The following MRPL4 variants were observed in gnomAD, a reference collection of about 807,000 sequenced individuals.
MRPL4 encodes the protein large ribosomal subunit protein uL4m.
Under a neutral mutation model 34.1 loss-of-function variants are expected in MRPL4, and 34 were observed. The ratio of observed to expected loss-of-function variants is 1.00; its 90% CI spans 0.76 to 1.33. MRPL4 has a LOEUF of 1.33. Ranked by LOEUF, MRPL4 falls within the 40% of genes most tolerant of loss-of-function variation. MRPL4 has a pLI of 0.00. For synonymous variants in MRPL4, 196 were observed against 188.3 expected (o/e 1.04, Z -0.33); for missense variants, 402 against 434.6 (o/e 0.92, Z 0.67).
intron 3 of MRPL4, chr19:10,252,916 G>A: frequency 3.0e-6 from 2 of 673,252 alleles, no homozygotes; most frequent in East Asian, 2.9e-5. Context: ...GGGTTAGGGA[G>A]ACAGAATTCT....
Position 10,252,218 on chromosome 19 carries a change from G to T in MRPL4, c.-36G>T. On this transcript the variant is annotated 5_prime_UTR_variant, in exon 1 of 9. Coordinates refer to ENST00000253099, the MANE Select transcript of MRPL4 (RefSeq NM_015956.3). ...AGCGGCGCCTCGCGAGGCTCCAGTG[G>T]CCTTGACCTCCCGCGGCGTGGGAGG... 6.4e-7 allele frequency: 1 copy of T among 1,570,914 alleles called. No individual in the cohort carries two copies. The highest frequency in any genetic ancestry group is 1.1e-5 in the South Asian group (1 of 88,464).
intron 8 of MRPL4, 88 bp from the exon 9 acceptor site, chr19:10,259,529 G>A: frequency 6.5e-7 from 1 of 1,530,806 alleles, no homozygotes; most frequent in Non-Finnish European, 8.8e-7. Flanking sequence ...ATCTCTGTAA[G>A]CACAAAGGGA....
intron 8 of MRPL4, chr19:10,259,248 C>G (rs775177274): frequency 9.0e-6 from 12 of 1,333,942 alleles, no homozygotes; most frequent in Non-Finnish European, 3.8e-6. Flanking sequence ...CCACCTCTCT[C>G]AGGATGAAAG....
At chr19:10,254,796 C>G in intron 4 of MRPL4, 156 bp downstream of exon 4, 1 of 646,478 alleles carries the variant, frequency 1.5e-6, no homozygotes, top group Admixed American at 3.3e-5. Context: ...ATTTTTGGTT[C>G]TCTTTTTTTT....
chr19:10,252,273 C>T lies in MRPL4; in HGVS notation c.20C>T (p.Ala7Val), dbSNP rs775132887. 2 of 1,608,460 alleles carry T rather than the reference C, an allele frequency of 1.2e-6. No individual in the cohort carries two copies. Among genetic ancestry groups the T allele is most frequent in the South Asian group, 1.1e-5 (1 of 90,922 alleles). ...GCGGCGATGCTGCAGTTCGTCCGGG[C>T]CGGGGCGCGGGCCTGGCTTCGGCCT... MLQFVR[A>V]GARAWLRPTG... The change falls in exon 1 of 9, where the codon GCC becomes GTC. Residue 7 changes from alanine (A) to valine (V), a missense_variant. By Grantham distance (64) the Ala-to-Val change is moderately conservative. Coordinates refer to ENST00000253099, the MANE Select transcript of MRPL4 (RefSeq NM_015956.3).
intron 8 of MRPL4, chr19:10,259,272 G>A (rs1305689764): frequency 7.4e-7 from 1 of 1,352,574 alleles, no homozygotes; most frequent in Non-Finnish European, 9.4e-7. Flanking sequence ...AAGTCATCAG[G>A]GTGGCACGTC....
At chr19:10,257,025 G>A (rs1187469732) in intron 5 of MRPL4, among the ~76,000 whole-genome samples, 200 bp downstream of exon 5, 2 of 152,044 alleles carry the variant, frequency 1.3e-5, no homozygotes, top group Non-Finnish European at 2.9e-5. Flanking sequence ...CAGAGATCTG[G>A]GAGCCATCCA....
At chr19:10,257,374 A>G (rs8111930) in intron 5 of MRPL4, among the ~76,000 whole-genome samples, 138,467 of 152,130 alleles carry the variant, frequency 0.91, 63,171 homozygotes, top group African/African-American at 0.97. Flanking sequence ...CAGCCACCCC[A>G]TCACCTGTTT....
chr19:10,256,770 G>A lies in MRPL4; in HGVS notation c.390G>A (p.Gln130=). The change falls in exon 5 of 9, where the codon CAG becomes CAA. Residue 130 remains glutamine, a synonymous_variant. Coordinates refer to ENST00000253099, the MANE Select transcript of MRPL4 (RefSeq NM_015956.3). ...GCGGTGGCCGGAAGCCTTGGCCGCAGAAAGGCACTGGGCGGGCCCGGCATG... is the reference window on the plus strand; with the variant it reads ...GCGGTGGCCGGAAGCCTTGGCCGCAAAAAGGCACTGGGCGGGCCCGGCATG... ...VRGGGRKPWP[Q]KGTGRARHGS... 6.4e-7 allele frequency: 1 copy of A among 1,552,446 alleles called. No individual in the cohort carries two copies. The highest frequency in any genetic ancestry group is 8.7e-7 in the Non-Finnish European group (1 of 1,146,816).
In MRPL4 at chr19:10,258,245, G is replaced by A. The variant is rs771115737; in HGVS notation, c.469G>A (p.Gly157Ser). The A allele has an allele frequency of 6.2e-7, 1 of 1,613,992 alleles. No homozygotes were observed. The highest frequency in any genetic ancestry group is 1.1e-5 in the South Asian group (1 of 91,072). ...AGGAGGTGTTGCCCATGGCCCCCGG[G>A]GCCCCACAAGTTACTACTACATGCT... ...RGGGVAHGPRGPTSYYYMLPM... is the reference protein window; with the variant it reads ...RGGGVAHGPRSPTSYYYMLPM... The change falls in exon 6 of 9, where the codon GGC (glycine) becomes AGC (serine). Residue 157 changes from glycine to serine, a missense_variant. Physicochemically the swap from Gly to Ser is moderately conservative, Grantham distance 56. Transcript: ENST00000253099.
chr19:10,252,059 G>A (rs1456359918), upstream of MRPL4: 11 of 602,408 alleles, frequency 1.8e-5, no homozygotes, highest in Non-Finnish European at 3.1e-5. Flanking sequence ...AGTGAAAATT[G>A]GGTCTGGGGG....
rs780462932 is a variant in MRPL4 at position 10,258,475 on chromosome 19, G to A, written c.615G>A (p.Glu205=). ...CCGGAGACCCACAGTACCTGACAGAGCTGGCGCACTACCGCCGCTGGGGGG... is the reference window on the plus strand; with the variant it reads ...CCGGAGACCCACAGTACCTGACAGAACTGGCGCACTACCGCCGCTGGGGGG... ...LPTGDPQYLT[E]LAHYRRWGDS... is the part of the protein sequence containing the mutation. The change falls in exon 7 of 9, where the codon GAG becomes GAA. Residue 205 remains glutamate (E), a synonymous_variant. Coordinates refer to ENST00000253099, the MANE Select transcript of MRPL4 (RefSeq NM_015956.3). 5 of 1,614,008 alleles carry A rather than the reference G, an allele frequency of 3.1e-6. No individual in the cohort carries two copies. Among genetic ancestry groups the A allele is most frequent in the Non-Finnish European group, 3.4e-6 (4 of 1,180,030 alleles).
Position 10,254,492 on chromosome 19 carries a change from G to A in MRPL4, c.276-97G>A, listed in dbSNP as rs1462451399. 2.8e-6 allele frequency: 4 copies of A among 1,444,982 alleles called. No individual in the cohort carries two copies. The African/African-American group carries it at 4.2e-5, about 15-fold the overall frequency. The allele number at this position is 1,444,982 out of a possible 1,614,324, so 89.5% of individuals were successfully genotyped here. A position where few individuals can be genotyped will look rare whatever the true frequency, so the allele number is the denominator to read the frequency against. ...GAGGGGCAGAGGCAAATCGCCCAGG[G>A]CCCTGGAGGCAGAAGGGAGAATCCT... On this transcript the variant is annotated intron_variant, in intron 3 of 8. Coordinates refer to ENST00000253099, the MANE Select transcript of MRPL4 (RefSeq NM_015956.3).
intron 8 of MRPL4, chr19:10,259,345 C>A (rs2039885763): frequency 1.4e-6 from 2 of 1,388,174 alleles, no homozygotes; most frequent in African/African-American, 1.5e-5. Context: ...GGGTCTCCCC[C>A]ACCAGAATGG....
At position 10,256,860 on chromosome 19, in the gene MRPL4, G is replaced by T. The variant is rs759420149; in HGVS notation, c.445+35G>T. 5.1e-6 allele frequency: 5 copies of T among 974,184 alleles called. No homozygotes were observed. In the African/African-American group the frequency reaches 6.9e-5, roughly 13 times the overall value. The allele number at this position is 974,184 out of a possible 1,614,324, so 60.3% of individuals were successfully genotyped here. A position where few individuals can be genotyped will look rare whatever the true frequency, so the allele number is the denominator to read the frequency against. On this transcript the variant is annotated intron_variant, in intron 5 of 8. Transcript: ENST00000253099. ...CAGGGTGGAGGGGGCGGGGAGGGGTGGGGGGGCCAGGGAAGGGCCTGGGTG... is the reference window on the plus strand; with the variant it reads ...CAGGGTGGAGGGGGCGGGGAGGGGTTGGGGGGCCAGGGAAGGGCCTGGGTG...
Position 10,252,564 on chromosome 19 carries a change from C to G in MRPL4, c.138C>G (p.Pro46=), listed in dbSNP as rs896200568. Residue 46 remains proline (P), a synonymous_variant, in exon 3 of 9, where the codon CCC becomes CCG. Transcript: ENST00000253099. ...CAATCGCTCCAGGTCTCCCGGAGCC[C>G]GTGCTGCGCAAAGTCGAGCTCCCGG... is the stretch of plus-strand genomic sequence containing the variant. ...EQVASEGLPE[P]VLRKVELPVP... 1 of 1,613,022 alleles carries G rather than the reference C, an allele frequency of 6.2e-7. No individual in the cohort carries two copies. Among genetic ancestry groups the G allele is most frequent in the Middle Eastern group, 1.7e-4 (1 of 6,058 alleles).
rs139494066 is a variant in MRPL4 at position 10,259,751 on chromosome 19, G to T, written c.874G>T (p.Asp292Tyr). 8 of 1,613,788 alleles carry T rather than the reference G, an allele frequency of 5.0e-6. No individual in the cohort carries two copies. The African/African-American group carries it at 1.1e-4, about 22-fold the overall frequency. ...CTACCCCTTCAGCCTGCCCTACAGC[G>T]ACTTCCCCCGACCCCTACCCCACGC... Reference protein sequence around the residue: ...PLYPFSLPYSDFPRPLPHATQ... With the variant: ...PLYPFSLPYSYFPRPLPHATQ... The change falls in exon 9 of 9, where the codon GAC (aspartate) becomes TAC (tyrosine). Residue 292 changes from aspartate to tyrosine, a missense_variant. By Grantham distance (160) the Asp-to-Tyr change is radical (BLOSUM62 -3). Transcript: ENST00000253099.
At position 10,260,001 on chromosome 19, in the gene MRPL4, C is replaced by T; in HGVS notation, c.*188C>T. The T allele has an allele frequency of 4.2e-6, 2 of 474,564 alleles. No homozygotes were observed. Among genetic ancestry groups the T allele is most frequent in the South Asian group, 4.2e-5 (1 of 23,568 alleles). The allele number at this position is 474,564 out of a possible 1,614,324, so 29.4% of individuals were successfully genotyped here. On this transcript the variant is annotated 3_prime_UTR_variant, in exon 9 of 9. Coordinates refer to ENST00000253099, the MANE Select transcript of MRPL4 (RefSeq NM_015956.3). ...GAAAGCCCAGACGGGCTTCTGCATC[C>T]ATTCCCTCTTTTTGTTTTTAAAATA...
At position 10,258,477 on chromosome 19, in the gene MRPL4, T is replaced by G. The variant is rs1475089108; in HGVS notation, c.617T>G (p.Leu206Arg). 1 of 1,613,764 alleles carries G rather than the reference T, an allele frequency of 6.2e-7. No homozygotes were observed. Among genetic ancestry groups the G allele is most frequent in the South Asian group, 1.1e-5 (1 of 91,044 alleles). ...GGAGACCCACAGTACCTGACAGAGC[T>G]GGCGCACTACCGCCGCTGGGGGGAC... ...PTGDPQYLTELAHYRRWGDSV... is the reference protein window; with the variant it reads ...PTGDPQYLTERAHYRRWGDSV... Residue 206 changes from leucine to arginine, a missense_variant, in exon 7 of 9, where the codon CTG (leucine) becomes CGG (arginine). Transcript: ENST00000253099.
Sources: allele counts gnomAD v4.1 joint callset (sites outside exome capture counted in the v4.1 genomes callset), GRCh38; gene constraint gnomAD v4.1.1; transcripts MANE v1.5; gene names NCBI Gene and HGNC (gene_info 2026-07-23, HGNC 2026-07-21).